GIMAP2: variants seen among roughly 807,000 people sequenced by gnomAD.
The protein encoded by GIMAP2 is GTPase IMAP family member 2.
A neutral mutation model predicts 25.5 loss-of-function variants in GIMAP2; 22 were observed. The observed-to-expected ratio is 0.86, with a 90% CI of 0.62 to 1.23. GIMAP2 has a LOEUF of 1.23. Ranked by LOEUF, GIMAP2 falls within the 50% of genes most tolerant of loss-of-function variation. The pLI, the probability that GIMAP2 is intolerant of heterozygous loss-of-function variation, is 0.00. For missense variants in GIMAP2, 422 were observed against 395.7 expected, an observed-to-expected ratio of 1.07 and a Z score of -0.56; for synonymous variants, 167 against 143.0, an observed-to-expected ratio of 1.17 and a Z score of -1.20.
intron 2 of GIMAP2, 40 bp downstream of exon 2, chr7:150,687,127 T>C (rs1585205777): frequency 9.8e-7 from 1 of 1,016,802 alleles, no homozygotes; most frequent in Non-Finnish European, 1.5e-6. Flanking sequence ...TGTGTGTGTG[T>C]GTGTGTGTGT....
At chr7:150,692,272 C>T (rs1347964566) in intron 2 of GIMAP2, 43 bp from the exon 3 acceptor site, 23 of 1,560,326 alleles carry the variant, frequency 1.5e-5, no homozygotes, top group Admixed American at 1.1e-4. Context: ...ATTCCACTGC[C>T]GTGATCAGTG....
At chr7:150,688,396 G>T (rs184158143) in intron 2 of GIMAP2, among the ~76,000 whole-genome samples, 43 of 152,274 alleles carry the variant, frequency 2.8e-4, no homozygotes, top group Middle Eastern at 3.4e-3. Context: ...CTCCCAAAGT[G>T]CTGGGATTAC....
intron 1 of GIMAP2, 118 bp from the exon 2 acceptor site, chr7:150,686,934 A>G (rs1212016743): frequency 3.1e-6 from 2 of 654,190 alleles, no homozygotes; most frequent in Non-Finnish European, 4.8e-6. Context: ...ACAGAGTGAA[A>G]CTGTGTCTCA....
chr7:150,693,394 AT>A lies in GIMAP2; in HGVS notation c.*96del. 2.7e-6 allele frequency: 2 copies of A among 754,212 alleles called. No homozygotes were observed. The highest frequency in any genetic ancestry group is 4.2e-6 in the Non-Finnish European group (2 of 479,618). 46.7% of individuals were successfully genotyped at this position (754,212 alleles called of 1,614,324 possible). ...TGTGGTACCTGAAGTCATATTTGAG[AT>A]TCTATGAAATGTTTAAATCTGAACA... On this transcript the variant is annotated 3_prime_UTR_variant, in exon 3 of 3. Coordinates refer to ENST00000223293, the MANE Select transcript of GIMAP2 (RefSeq NM_015660.3).
chr7:150,689,455 T>C (rs1208859828), intron 2 of GIMAP2: 1 of 701,518 alleles, frequency 1.4e-6, no homozygotes, highest in Non-Finnish European at 2.6e-6. Flanking sequence ...CCACCGCTTC[T>C]CTTCAATGAC....
In GIMAP2 at chr7:150,693,290, C is replaced by T. The variant is rs773034818; in HGVS notation, c.1004C>T (p.Pro335Leu). 2.6e-6 allele frequency: 4 copies of T among 1,557,830 alleles called. No individual in the cohort carries two copies. The highest frequency in any genetic ancestry group is 3.5e-6 in the Non-Finnish European group (4 of 1,157,640). Residue 335 changes from proline to leucine, a missense_variant, in exon 3 of 3, where the codon CCT becomes CTT. By Grantham distance (98) the Pro-to-Leu change is moderately conservative (BLOSUM62 -3). Coordinates refer to ENST00000223293, the MANE Select transcript of GIMAP2 (RefSeq NM_015660.3). ...RTVIRLERKT[P>L]RL ...GTTATTAGACTAGAACGCAAGACTC[C>T]TAGGTTATAGTTACAGATCCCAGTT...
rs201978558 is a variant in GIMAP2 at position 150,690,617 on chromosome 7, A to G, written c.29-1698A>G. Among the ~76,000 whole-genome samples the G allele has an allele frequency of 8.5e-5, 13 of 152,362 alleles. No homozygotes were observed. In the East Asian group the frequency reaches 2.5e-3, roughly 29 times the overall value. ...TTTGTCCAAGTTACTTAACCCCTGC[A>G]TGCAAGTTACTTCATCTATAAGGAG... On this transcript the variant is annotated intron_variant, in intron 2 of 2. Transcript: ENST00000223293.
intron 2 of GIMAP2, 23 bp from the exon 3 acceptor site, chr7:150,692,292 C>G: frequency 6.2e-7 from 1 of 1,605,706 alleles, no homozygotes; most frequent in African/African-American, 1.3e-5. Flanking sequence ...GTAGCGATAA[C>G]ACAGTAAACT....
intron 2 of GIMAP2, among the ~76,000 whole-genome samples, chr7:150,692,082 G>A (rs1002993817): frequency 2.0e-5 from 3 of 151,064 alleles, no homozygotes; most frequent in Non-Finnish European, 4.4e-5. Context: ...AAAAATTAGC[G>A]GGATGCGGTG....
chr7:150,692,846 A>C lies in GIMAP2; in HGVS notation c.560A>C (p.Glu187Ala), dbSNP rs766111422. The C allele has an allele frequency of 2.5e-6, 4 of 1,614,096 alleles. No individual in the cohort carries two copies. The highest frequency in any genetic ancestry group is 2.7e-5 in the African/African-American group (2 of 74,928). ...GRICAFNNRA[E>A]GSNQDDQVKE... ...ATCTGTGCCTTTAATAACCGTGCTG[A>C]AGGGAGCAATCAGGATGACCAAGTG... Residue 187 changes from glutamate (E) to alanine (A), a missense_variant, in exon 3 of 3, where the codon GAA becomes GCA. Coordinates refer to ENST00000223293, the MANE Select transcript of GIMAP2 (RefSeq NM_015660.3).
chr7:150,687,892 A>C (rs1796922074), intron 2 of GIMAP2, among the ~76,000 whole-genome samples: 3 of 148,532 alleles, frequency 2.0e-5, no homozygotes, highest in Admixed American at 6.7e-5. Context: ...CCTCCTCCTC[A>C]CTCTCTGCCC....
rs141068953 is a variant in GIMAP2 at position 150,689,995 on chromosome 7, G to C, written c.29-2320G>C. 3.8e-3 allele frequency among the ~76,000 whole-genome samples: 584 copies of C among 152,284 alleles called. 1 individual carries two copies. Among genetic ancestry groups the C allele is most frequent in the African/African-American group, 0.013 (559 of 41,548 alleles). On this transcript the variant is annotated intron_variant, in intron 2 of 2. Coordinates refer to ENST00000223293, the MANE Select transcript of GIMAP2 (RefSeq NM_015660.3). ...CTGAGATTCTCTAATAATTTAATAAGAGTAAAATGTCTCTAACATTATTAG... is the reference window on the plus strand; with the variant it reads ...CTGAGATTCTCTAATAATTTAATAACAGTAAAATGTCTCTAACATTATTAG...
At chr7:150,688,751 A>T (rs749182305) in intron 2 of GIMAP2, among the ~76,000 whole-genome samples, 96 of 152,108 alleles carry the variant, frequency 6.3e-4, no homozygotes, top group Non-Finnish European at 1.4e-3. Context: ...TTGTCCTTGC[A>T]GTTGTCTCCT....
chr7:150,692,691 G>A lies in GIMAP2; in HGVS notation c.405G>A (p.Glu135=). The change falls in exon 3 of 3, where the codon GAG becomes GAA. Residue 135 remains glutamate, a synonymous_variant. Transcript: ENST00000223293. The stretch of plus-strand genomic sequence containing the variant: ...AGAGGGTGAAGGAGATCTTTGGAGA[G>A]GATGCCATGGGACACACAATTGTCC... ...AAQRVKEIFG[E]DAMGHTIVLF... is the part of the protein sequence containing the mutation. 1.2e-6 allele frequency: 2 copies of A among 1,614,184 alleles called. No individual in the cohort carries two copies. Among genetic ancestry groups the A allele is most frequent in the South Asian group, 1.1e-5 (1 of 91,084 alleles).
At chr7:150,692,026 G>A (rs1289932426) in intron 2 of GIMAP2, among the ~76,000 whole-genome samples, 5 of 150,712 alleles carry the variant, frequency 3.3e-5, no homozygotes, top group Admixed American at 2.7e-4. Flanking sequence ...TCAGGAGATC[G>A]ATACCACGGT....
At chr7:150,687,252 G>A in intron 2 of GIMAP2, 165 bp downstream of exon 2, 1 of 534,364 alleles carries the variant, frequency 1.9e-6, no homozygotes, top group Non-Finnish European at 3.3e-6. Flanking sequence ...AAATTGTGGG[G>A]TTTTGTTTTC....
intron 2 of GIMAP2, among the ~76,000 whole-genome samples, chr7:150,688,576 G>A (rs543881803): frequency 9.2e-5 from 14 of 152,202 alleles, no homozygotes; most frequent in Non-Finnish European, 1.6e-4. Context: ...CATTCAATTT[G>A]AGTTTCTCCT....
At chr7:150,686,630 G>A (rs946990798) in intron 1 of GIMAP2, among the ~76,000 whole-genome samples, 1 of 152,110 alleles carries the variant, frequency 6.6e-6, no homozygotes, top group Non-Finnish European at 1.5e-5. Context: ...GTAGACAAAT[G>A]AAACATGGTT....
chr7:150,687,132 G>A, intron 2 of GIMAP2, 45 bp downstream of exon 2: 1 of 1,263,286 alleles, frequency 7.9e-7, no homozygotes, highest in Non-Finnish European at 1.1e-6. Context: ...GTGTGTGTGT[G>A]TGTGTGTGTG....
Sources: gnomAD v4.1 joint callset for allele counts (sites outside exome capture counted in the v4.1 genomes callset) on GRCh38, gnomAD v4.1.1 for gene constraint, MANE v1.5 for transcripts, NCBI Gene and HGNC (gene_info 2026-07-23, HGNC 2026-07-21) for gene names.